The following NUB1 variants were observed in gnomAD, a reference collection of about 807,000 sequenced individuals.
The protein encoded by NUB1 is NEDD8 ultimate buster 1.
In NUB1, 41 loss-of-function variants were observed where a neutral mutation model predicts 77.1. The ratio of observed to expected loss-of-function variants is 0.53; its 90% confidence interval spans 0.41 to 0.69. The LOEUF (loss-of-function observed/expected upper bound fraction) is 0.69. Among genes scored for constraint, NUB1 ranks in the 30% least tolerant of loss-of-function variants. The pLI, the probability that NUB1 is intolerant of heterozygous loss-of-function variation, is 0.00. For synonymous variants in NUB1, 257 were observed against 281.0 expected (o/e 0.91, Z 0.85); for missense variants, 643 against 743.8 (o/e 0.86, Z 1.58).
Position 151,355,804 on chromosome 7 carries a change from T to C in NUB1, c.452T>C (p.Val151Ala), listed in dbSNP as rs771840879. 5 of 1,606,788 alleles carry C rather than the reference T, an allele frequency of 3.1e-6. No homozygotes were observed. The South Asian group carries it at 5.6e-5, about 18-fold the overall frequency. ...TLEEQGVAHN[V>A]KAMVLELKQS... ...GAAGAACAAGGCGTGGCTCACAATGTGAAAGCGATGGTGCTTGAACTAAAA... is the reference window on the plus strand; with the variant it reads ...GAAGAACAAGGCGTGGCTCACAATGCGAAAGCGATGGTGCTTGAACTAAAA... The change falls in exon 6 of 15, where the codon GTG (valine) becomes GCG (alanine). Residue 151 changes from valine to alanine, a missense_variant. Physicochemically the swap from Val to Ala is moderately conservative, Grantham distance 64. Coordinates refer to ENST00000568733, the MANE Select transcript of NUB1 (RefSeq NM_001243351.2).
At position 151,367,011 on chromosome 7, in the gene NUB1, C is replaced by T; in HGVS notation, c.873C>T (p.Tyr291=). 1 of 1,613,838 alleles carries T rather than the reference C, an allele frequency of 6.2e-7. No individual in the cohort carries two copies. Among genetic ancestry groups the T allele is most frequent in the Non-Finnish European group, 8.5e-7 (1 of 1,179,778 alleles). The change falls in exon 9 of 15, where the codon TAC becomes TAT. Residue 291 remains tyrosine, a synonymous_variant. Coordinates refer to ENST00000568733, the MANE Select transcript of NUB1 (RefSeq NM_001243351.2). The part of the protein sequence containing the change: ...AVLQLDIVWC[Y]FRLEQLECLD... ...TCCAGCTGGATATAGTGTGGTGTTA[C>T]TTCCGCCTGGAACAGCTGGAATGCC...
At chr7:151,348,117 T>G (rs1055358808) in intron 2 of NUB1, among the ~76,000 whole-genome samples, 2 of 152,226 alleles carry the variant, frequency 1.3e-5, no homozygotes, top group Non-Finnish European at 2.9e-5. Context: ...CTCCAGATGC[T>G]GAATTTTGGC....
At chr7:151,376,452 C>T (rs1584979396) in intron 13 of NUB1, 182 bp from the exon 14 acceptor site, 8 of 614,404 alleles carry the variant, frequency 1.3e-5, no homozygotes, top group Non-Finnish European at 2.2e-5. Flanking sequence ...TTGAGTCTTC[C>T]AAGCCCCCTT....
chr7:151,369,101 G>A (rs771303901), intron 11 of NUB1: 20 of 401,254 alleles, frequency 5.0e-5, no homozygotes, highest in South Asian at 2.9e-4. Context: ...TCCGCCTCCC[G>A]GGTTCAAGCA....
At chr7:151,371,745 C>A (rs967528960) in intron 11 of NUB1, among the ~76,000 whole-genome samples, 7 of 152,180 alleles carry the variant, frequency 4.6e-5, no homozygotes, top group African/African-American at 1.7e-4. Flanking sequence ...TAAAACAATT[C>A]GTTCATGTTT....
Position 151,376,783 on chromosome 7 carries a change from G to T in NUB1, c.1641G>T (p.Pro547=). 3 of 1,590,412 alleles carry T rather than the reference G, an allele frequency of 1.9e-6. No homozygotes were observed. Among genetic ancestry groups the T allele is most frequent in the Non-Finnish European group, 2.6e-6 (3 of 1,169,404 alleles). The change falls in exon 14 of 15, where the codon CCG becomes CCT. Residue 547 remains proline, a synonymous_variant. Coordinates refer to ENST00000568733, the MANE Select transcript of NUB1 (RefSeq NM_001243351.2). ...TGTCGCCAGAAGACTCTTTGTCCCCGCCAGCCACGTCCCCTTCTGACTCCG... is the reference window on the plus strand; with the variant it reads ...TGTCGCCAGAAGACTCTTTGTCCCCTCCAGCCACGTCCCCTTCTGACTCCG... ...LPLSPEDSLS[P]PATSPSDSAG...
At chr7:151,351,621 G>A (rs550762049) in intron 4 of NUB1, 139 bp downstream of exon 4, 47 of 657,086 alleles carry the variant, frequency 7.2e-5, no homozygotes, top group African/African-American at 6.8e-4. Context: ...GAGGCTTTGA[G>A]GTTGAAGGAC....
chr7:151,359,488 G>C (rs1479077138), intron 7 of NUB1, among the ~76,000 whole-genome samples: 1 of 136,388 alleles, frequency 7.3e-6, no homozygotes, highest in African/African-American at 3.0e-5. Context: ...CCTTTTTAAA[G>C]ATACAAGCAG....
In NUB1 at chr7:151,376,697, G is replaced by A. The variant is rs370940556; in HGVS notation, c.1555G>A (p.Val519Ile). The A allele has an allele frequency of 2.6e-5, 42 of 1,609,950 alleles. No individual in the cohort carries two copies. Among genetic ancestry groups the A allele is most frequent in the African/African-American group, 2.4e-4 (18 of 74,836 alleles). ...TGCGCTGAGAGTGTTCAGAGGCAACGTCCAGCTGGCCGCCCAGACCCTTGC... is the reference window on the plus strand; with the variant it reads ...TGCGCTGAGAGTGTTCAGAGGCAACATCCAGCTGGCCGCCCAGACCCTTGC... ...EAALRVFRGN[V>I]QLAAQTLAHN... Residue 519 changes from valine (V) to isoleucine (I), a missense_variant, in exon 14 of 15, where the codon GTC (valine) becomes ATC (isoleucine). Transcript: ENST00000568733.
At chr7:151,367,645 A>T (rs527358303) in intron 9 of NUB1, among the ~76,000 whole-genome samples, 3 of 152,234 alleles carry the variant, frequency 2.0e-5, no homozygotes, top group East Asian at 3.9e-4. Flanking sequence ...TGGTGCCCTG[A>T]CACTGACTCT....
intron 11 of NUB1, 142 bp downstream of exon 11, chr7:151,369,029 A>T (rs1797838552): frequency 1.0e-6 from 1 of 959,680 alleles, no homozygotes; most frequent in Non-Finnish European, 1.5e-6. Context: ...TTTTCTTGAG[A>T]CAGAGTCTCA....
intron 12 of NUB1, 50 bp downstream of exon 12, chr7:151,374,293 G>T: frequency 6.5e-7 from 1 of 1,541,668 alleles, no homozygotes. Flanking sequence ...AGTGGGTCCT[G>T]CCCAGAGCTC....
Position 151,344,160 on chromosome 7 carries a change from G to A in NUB1, c.-2-1188G>A, listed in dbSNP as rs1268371477. The stretch of plus-strand genomic sequence containing the variant: ...TGTACCACTGCACTCTAGCCTGGGC[G>A]ACAGAGTGAGACTCCCTCTCAAAAA... On this transcript the variant is annotated intron_variant, in intron 1 of 14. Transcript: ENST00000568733. Among the ~76,000 whole-genome samples the A allele has an allele frequency of 1.9e-4, 19 of 100,030 alleles. No individual in the cohort carries two copies. In the Admixed American group the frequency reaches 2.0e-3, roughly 10 times the overall value. 65.6% of individuals were successfully genotyped at this position (100,030 alleles called of 152,430 possible). A position where few individuals can be genotyped will look rare whatever the true frequency, so the allele number is the denominator to read the frequency against.
At chr7:151,371,524 G>A (rs766403674) in intron 11 of NUB1, among the ~76,000 whole-genome samples, 1 of 152,170 alleles carries the variant, frequency 6.6e-6, no homozygotes, top group East Asian at 1.9e-4. Context: ...TGTGGCAAGA[G>A]ATAGAGGGTT....
chr7:151,375,745 C>A, intron 12 of NUB1, 103 bp from the exon 13 acceptor site: 1 of 751,330 alleles, frequency 1.3e-6, no homozygotes, highest in Non-Finnish European at 2.4e-6. Flanking sequence ...CTCATAGCAG[C>A]AGAGGACGGC....
intron 1 of NUB1, among the ~76,000 whole-genome samples, chr7:151,344,820 C>T (rs922524712): frequency 5.3e-5 from 8 of 152,048 alleles, no homozygotes; most frequent in South Asian, 2.1e-4. Context: ...GCCAACATGG[C>T]GAAACCCCGT....
At position 151,353,759 on chromosome 7, in the gene NUB1, C is replaced by T. The variant is rs1040986601; in HGVS notation, c.415+877C>T. Reference sequence around the variant, plus strand: ...GCAGCCATCCATACAAGCACTGTAGCCCACTGGTTTCCAGTGCGTTCCTGT... The same window carrying T: ...GCAGCCATCCATACAAGCACTGTAGTCCACTGGTTTCCAGTGCGTTCCTGT... On this transcript the variant is annotated intron_variant, in intron 5 of 14. Transcript: ENST00000568733. Among the ~76,000 whole-genome samples, 37 of 152,208 alleles carry T rather than the reference C, an allele frequency of 2.4e-4. 1 individual carries two copies. The highest frequency in any genetic ancestry group is 7.5e-4 in the African/African-American group (31 of 41,434).
In NUB1 at chr7:151,366,175, GTCTT is replaced by G. The variant is rs544398063; in HGVS notation, c.801-759_801-756del. On this transcript the variant is annotated intron_variant, in intron 8 of 14. Transcript: ENST00000568733. ...CTGGAGCACACTGACTTCTGTTGCTGTCTTTCTTCCCTTTGCTGCGCCTGGGTTC... is the reference window on the plus strand; with the variant it reads ...CTGGAGCACACTGACTTCTGTTGCTGTCTTCCCTTTGCTGCGCCTGGGTTC... 8.9e-4 allele frequency among the ~76,000 whole-genome samples: 135 copies of G among 152,278 alleles called. 1 individual carries two copies. Among genetic ancestry groups the G allele is most frequent in the African/African-American group, 3.1e-3 (127 of 41,564 alleles).
At chr7:151,368,699 C>A in intron 10 of NUB1, 36 bp from the exon 11 acceptor site, 1 of 1,565,024 alleles carries the variant, frequency 6.4e-7, no homozygotes, top group Non-Finnish European at 8.7e-7. Context: ...TAAGTATTGC[C>A]GTGGTTACAT....
Sources: allele counts gnomAD v4.1 joint callset (sites outside exome capture counted in the v4.1 genomes callset), GRCh38; gene constraint gnomAD v4.1.1; transcripts MANE v1.5; gene names NCBI Gene and HGNC (gene_info 2026-07-23, HGNC 2026-07-21).